The following TAFA1 variants were observed in gnomAD, a reference collection of about 807,000 sequenced individuals.
The protein encoded by TAFA1 is TAFA chemokine like family member 1.
In TAFA1, 4 loss-of-function variants were observed where a neutral mutation model predicts 18.5. The observed-to-expected ratio is 0.22, with a 90% confidence interval of 0.11 to 0.49. TAFA1 has a LOEUF of 0.49. Among genes scored for constraint, TAFA1 ranks in the 20% least tolerant of loss-of-function variants. TAFA1 has a pLI of 0.98. For synonymous variants in TAFA1, 56 were observed against 55.2 expected (o/e 1.01, Z -0.06); for missense variants, 147 against 169.0 (o/e 0.87, Z 0.72).
At chr3:68,057,546 G>A (rs1435224586) in intron 2 of TAFA1, among the ~76,000 whole-genome samples, 1 of 152,042 alleles carries the variant, frequency 6.6e-6, no homozygotes, top group African/African-American at 2.4e-5. Flanking sequence ...TTATAACTTG[G>A]TCATTGCAGT....
chr3:68,184,981 T>G (rs1426176849), intron 2 of TAFA1, among the ~76,000 whole-genome samples: 2 of 152,124 alleles, frequency 1.3e-5, no homozygotes. Context: ...GAAATGCTGT[T>G]TTTCTTCATT....
At chr3:68,477,475 AG>A (rs1322846593) in intron 3 of TAFA1, among the ~76,000 whole-genome samples, 1 of 152,098 alleles carries the variant, frequency 6.6e-6, no homozygotes, top group Non-Finnish European at 1.5e-5. Flanking sequence ...CCCAGGTTTA[AG>A]TGATTCTCTT....
At chr3:68,352,748 GA>G (rs1448139915) in intron 2 of TAFA1, among the ~76,000 whole-genome samples, 1 of 152,086 alleles carries the variant, frequency 6.6e-6, no homozygotes, top group African/African-American at 2.4e-5. Context: ...AAAACTGACA[GA>G]AGTGCATGGA....
At chr3:68,261,604 A>G (rs566129283) in intron 2 of TAFA1, among the ~76,000 whole-genome samples, 1 of 152,324 alleles carries the variant, frequency 6.6e-6, no homozygotes, top group African/African-American at 2.4e-5. Context: ...TGATGAGTTC[A>G]TGTCCTTTGT....
At chr3:68,058,266 G>T (rs1274677037) in intron 2 of TAFA1, among the ~76,000 whole-genome samples, 1 of 152,148 alleles carries the variant, frequency 6.6e-6, no homozygotes, top group Admixed American at 6.6e-5. Flanking sequence ...GGGAAATAAG[G>T]ATTTGTATCT....
chr3:68,092,342 C>G (rs1286365457), intron 2 of TAFA1, among the ~76,000 whole-genome samples: 2 of 151,980 alleles, frequency 1.3e-5, no homozygotes, highest in Non-Finnish European at 2.9e-5. Flanking sequence ...ATAGCTCAGT[C>G]AACAGTGACT....
chr3:68,115,060 A>G (rs762036937), intron 2 of TAFA1, among the ~76,000 whole-genome samples: 7 of 152,232 alleles, frequency 4.6e-5, no homozygotes, highest in Non-Finnish European at 5.9e-5. Context: ...CAAGGAAGTG[A>G]TAAGTAAAAA....
chr3:68,487,782 T>G (rs1575914760), intron 3 of TAFA1, among the ~76,000 whole-genome samples: 6 of 137,240 alleles, frequency 4.4e-5, no homozygotes, highest in African/African-American at 8.2e-5. Context: ...CTGTGAGTGG[T>G]GAGTGTTAAA....
intron 3 of TAFA1, among the ~76,000 whole-genome samples, chr3:68,486,640 A>G (rs2072345432): frequency 6.6e-6 from 1 of 152,224 alleles, no homozygotes; most frequent in African/African-American, 2.4e-5. Context: ...CATTGTACTC[A>G]CCAATACAAG....
intron 3 of TAFA1, among the ~76,000 whole-genome samples, chr3:68,482,949 T>A (rs1161833620): frequency 6.6e-6 from 1 of 152,242 alleles, no homozygotes; most frequent in Non-Finnish European, 1.5e-5. Flanking sequence ...ACTGTTTAAT[T>A]CGTGGAGCCA....
intron 2 of TAFA1, among the ~76,000 whole-genome samples, chr3:68,186,035 GT>G (rs1272360792): frequency 1.3e-5 from 2 of 152,102 alleles, no homozygotes; most frequent in African/African-American, 2.4e-5. Flanking sequence ...GGTGAGCAGT[GT>G]TAGGAGGTAA....
chr3:68,362,434 C>A (rs959259233), intron 2 of TAFA1, among the ~76,000 whole-genome samples: 1 of 152,088 alleles, frequency 6.6e-6, no homozygotes, highest in South Asian at 2.1e-4. Flanking sequence ...ATCTTAGATT[C>A]AGGAAACAGC....
intron 2 of TAFA1, among the ~76,000 whole-genome samples, chr3:68,266,937 A>G (rs2067558159): frequency 9.1e-6 from 1 of 109,734 alleles, no homozygotes; most frequent in South Asian, 3.5e-4. Context: ...AGTCAAGCAA[A>G]AGAACCTTCG....
intron 2 of TAFA1, among the ~76,000 whole-genome samples, chr3:68,014,447 A>G (rs545150698): frequency 1.3e-5 from 2 of 152,330 alleles, no homozygotes; most frequent in Non-Finnish European, 2.9e-5. Flanking sequence ...TCAAATGGTA[A>G]TGAGGAAAGA....
intron 3 of TAFA1, among the ~76,000 whole-genome samples, chr3:68,490,441 C>T (rs2072430100): frequency 6.6e-6 from 1 of 152,090 alleles, no homozygotes; most frequent in Admixed American, 6.6e-5. Flanking sequence ...CTGTTATAAT[C>T]CTATAATATT....
chr3:68,273,105 A>G (rs2067709915), intron 2 of TAFA1, among the ~76,000 whole-genome samples: 1 of 152,162 alleles, frequency 6.6e-6, no homozygotes, highest in East Asian at 1.9e-4. Context: ...CAAGCAAGGA[A>G]ACAAATATTA....
At chr3:68,229,311 C>T (rs2066842047) in intron 2 of TAFA1, among the ~76,000 whole-genome samples, 1 of 152,152 alleles carries the variant, frequency 6.6e-6, no homozygotes, top group Admixed American at 6.6e-5. Flanking sequence ...GTGAAATAAA[C>T]ATATATAACA....
chr3:68,193,425 A>G (rs1381682527), intron 2 of TAFA1, among the ~76,000 whole-genome samples: 1 of 151,832 alleles, frequency 6.6e-6, no homozygotes, highest in Non-Finnish European at 1.5e-5. Context: ...TACTTATCTA[A>G]AGCAACTGCC....
At chr3:68,120,240 TCTTTCTTTCTTTCTTTCTTTC>T (rs2065381119) in intron 2 of TAFA1, among the ~76,000 whole-genome samples, 3 of 125,644 alleles carry the variant, frequency 2.4e-5, no homozygotes, top group African/African-American at 6.6e-5. Flanking sequence ...TTTCTTTCTT[TCTTTCTTTCTTTCTTTCTTTC>T]TTTTTTGAGA....
Sources: allele counts gnomAD v4.1 joint callset (sites outside exome capture counted in the v4.1 genomes callset), GRCh38; gene constraint gnomAD v4.1.1; transcripts MANE v1.5; gene names NCBI Gene and HGNC (gene_info 2026-07-23, HGNC 2026-07-21).